SYNE1: variants seen among roughly 807,000 people sequenced by gnomAD.
SYNE1 encodes the protein spectrin repeat containing nuclear envelope protein 1, also known as nesprin-1.
A neutral mutation model predicts 1,111.0 loss-of-function variants in SYNE1; 616 were observed. That is an observed-to-expected ratio of 0.55 (90% confidence interval 0.52 to 0.59). The LOEUF (loss-of-function observed/expected upper bound fraction) is 0.59. SYNE1 is among the 20% of genes least tolerant of loss of function. SYNE1 has a pLI of 0.00. For synonymous variants in SYNE1, 3,855 were observed against 3,825.8 expected (o/e 1.01, Z -0.28); for missense variants, 10,006 against 10,417.0 (o/e 0.96, Z 1.72).
chr6:152,336,213 T>C (rs998334038), intron 76 of SYNE1: 1 of 160,410 alleles, frequency 6.2e-6, no homozygotes, highest in African/African-American at 2.4e-5. Context: ...CAGTCTACTC[T>C]GTAGACTAAA....
chr6:152,208,132 C>G lies in SYNE1; in HGVS notation c.22664G>C (p.Arg7555Pro). 2 of 1,614,100 alleles carry G rather than the reference C, an allele frequency of 1.2e-6. No individual in the cohort carries two copies. The highest frequency in any genetic ancestry group is 8.5e-7 in the Non-Finnish European group (1 of 1,180,016). ...GCGAATCTGGCTGTCAATGATCCCC[C>G]GCCTCTGCTGGGCCCTGCGAATCAC... ...QGVIRRAQQR[R>P]GIIDSQIRQW... is the part of the protein sequence containing the mutation. The change falls in exon 125 of 146, where the codon CGG (arginine) becomes CCG (proline). Residue 7555 changes from arginine to proline, a missense_variant. Arg to Pro is a moderately radical substitution (Grantham distance 103). This residue lies in a region of SYNE1 where 2,182 missense variants were observed against 2,287.8 expected (regional missense o/e 0.95). Coordinates refer to ENST00000367255, the MANE Select transcript of SYNE1 (RefSeq NM_182961.4).
At chr6:152,329,019 G>A (rs568228551) in intron 78 of SYNE1, among the ~76,000 whole-genome samples, 77 of 152,236 alleles carry the variant, frequency 5.1e-4, no homozygotes, top group African/African-American at 1.8e-3. Context: ...GGTGATTTTA[G>A]AAATACCAGC....
chr6:152,288,223 C>A (rs2094431816), intron 95 of SYNE1, among the ~76,000 whole-genome samples: 1 of 152,008 alleles, frequency 6.6e-6, no homozygotes, highest in Admixed American at 6.6e-5. Context: ...TGTGCCTTTC[C>A]ACACACATTT....
chr6:152,635,480 A>G (rs1299976937), intron 2 of SYNE1, among the ~76,000 whole-genome samples: 1 of 152,244 alleles, frequency 6.6e-6, no homozygotes, highest in Non-Finnish European at 1.5e-5. Flanking sequence ...CTTTTTAGCC[A>G]TACTACAAAT....
chr6:152,193,184 G>A (rs2073051434), intron 127 of SYNE1, among the ~76,000 whole-genome samples: 2 of 151,904 alleles, frequency 1.3e-5, no homozygotes, highest in South Asian at 4.2e-4. Context: ...TGATTTCACT[G>A]TTGGTATGTT....
At chr6:152,436,834 T>G (rs2098478087) in intron 32 of SYNE1, among the ~76,000 whole-genome samples, 1 of 152,162 alleles carries the variant, frequency 6.6e-6, no homozygotes, top group African/African-American at 2.4e-5. Context: ...ATAGAAACAT[T>G]TATTTATTTA....
intron 42 of SYNE1, among the ~76,000 whole-genome samples, chr6:152,411,769 C>T (rs141070972): frequency 1.9e-3 from 290 of 151,178 alleles, no homozygotes; most frequent in African/African-American, 6.7e-3. Flanking sequence ...ACACATCTAG[C>T]AGAATGTCAA....
intron 55 of SYNE1, among the ~76,000 whole-genome samples, chr6:152,382,266 G>A (rs34323944): frequency 0.037 from 5,579 of 151,728 alleles, 199 homozygotes; most frequent in Non-Finnish European, 0.049. Context: ...CTTTACTACC[G>A]GATTAAATAG....
chr6:152,499,236 G>GA (rs1212394168), intron 10 of SYNE1, among the ~76,000 whole-genome samples: 1 of 151,890 alleles, frequency 6.6e-6, no homozygotes, highest in Non-Finnish European at 1.5e-5. Context: ...ACAGATGGGT[G>GA]AAAAAATAAA....
At chr6:152,564,307 T>A (rs2099404314) in intron 3 of SYNE1, among the ~76,000 whole-genome samples, 2 of 152,112 alleles carry the variant, frequency 1.3e-5, no homozygotes, top group African/African-American at 2.4e-5. Flanking sequence ...ATGTTTGTTT[T>A]TTGTTTGTTG....
chr6:152,507,254 C>T (rs536305791), intron 8 of SYNE1, among the ~76,000 whole-genome samples: 138 of 152,166 alleles, frequency 9.1e-4, no homozygotes, highest in South Asian at 3.9e-3. Flanking sequence ...TAGTTTTTAA[C>T]AAAATTAAGT....
At chr6:152,168,054 A>G (rs746646176) in intron 130 of SYNE1, 2 of 780,794 alleles carry the variant, frequency 2.6e-6, no homozygotes, top group Admixed American at 3.4e-5. Context: ...CGTCTATCCT[A>G]CAAACCCCAC....
chr6:152,577,348 C>G (rs7755451), intron 3 of SYNE1, among the ~76,000 whole-genome samples: 36,248 of 152,112 alleles, frequency 0.24, 4,428 homozygotes, highest in Middle Eastern at 0.33. Flanking sequence ...TAAAAATATT[C>G]TTGCCTGGGC....
intron 122 of SYNE1, 71 bp downstream of exon 122, chr6:152,214,835 G>A: frequency 6.4e-7 from 1 of 1,567,336 alleles, no homozygotes; most frequent in South Asian, 1.1e-5. Flanking sequence ...GCATTCTGTA[G>A]TATTTTGACA....
In SYNE1 at chr6:152,430,466, G is replaced by T. The variant is rs1431680929; in HGVS notation, c.4689+16C>A. On this transcript the variant is annotated intron_variant, in intron 35 of 145. Transcript: ENST00000367255. ...GTGAAATATGTAAACTTAAGTATAG[G>T]TGGATCAATTCTTACCTTTCTAAGG... is the stretch of plus-strand genomic sequence containing the variant. 6.3e-7 allele frequency: 1 copy of T among 1,598,760 alleles called. No homozygotes were observed. The highest frequency in any genetic ancestry group is 8.6e-7 in the Non-Finnish European group (1 of 1,166,234).
rs75694045 is a variant in SYNE1, at chr6:152,367,141, C to T, written c.9972+77G>A. The T allele has an allele frequency of 1.2e-3, 1,810 of 1,553,850 alleles. 14 individuals carry two copies. The African/African-American group carries it at 0.022, about 19-fold the overall frequency. ...ATGGAGAGAATGTGACATCATCACC[C>T]CAGGTGGATGGAGACGGGAAATTTT... is the stretch of plus-strand genomic sequence containing the variant. On this transcript the variant is annotated intron_variant, in intron 62 of 145. Transcript: ENST00000367255.
At chr6:152,435,722 AT>A in intron 33 of SYNE1, 1 of 608,676 alleles carries the variant, frequency 1.6e-6, no homozygotes. Context: ...TCAGTTTAAG[AT>A]GCAAAACCCA....
At chr6:152,143,088 A>G (rs1230410212) in intron 138 of SYNE1, among the ~76,000 whole-genome samples, 5 of 152,216 alleles carry the variant, frequency 3.3e-5, no homozygotes. Flanking sequence ...AGCCGCATAG[A>G]TAGAACTGGT....
rs1378464559 is a variant in SYNE1 at position 152,354,691 on chromosome 6, C to T, written c.10894G>A (p.Ala3632Thr). The T allele has an allele frequency of 1.9e-6, 3 of 1,614,050 alleles. No homozygotes were observed. Among genetic ancestry groups the T allele is most frequent in the Non-Finnish European group, 2.5e-6 (3 of 1,180,034 alleles). The change falls in exon 67 of 146, where the codon GCA (alanine) becomes ACA (threonine). Residue 3632 changes from alanine to threonine, a missense_variant. Ala to Thr is a moderately conservative substitution (Grantham distance 58). Around this residue, in one of 7 missense-constraint regions of SYNE1, gnomAD observed 4,955 missense variants for 5,017.2 expected, o/e 0.99. Coordinates refer to ENST00000367255, the MANE Select transcript of SYNE1 (RefSeq NM_182961.4). ...TGATGTAATTGTATCTCCTTGGTTG[C>T]CCTGTTAGACTGACGTCTGGTCCTG... Reference protein sequence around the residue: ...SPRTRRQSNRATKEIQLHQMK... With the variant: ...SPRTRRQSNRTTKEIQLHQMK...
Sources: allele counts gnomAD v4.1 joint callset (sites outside exome capture counted in the v4.1 genomes callset), GRCh38; gene constraint gnomAD v4.1.1; regional missense constraint gnomAD v4.1.1; transcripts MANE v1.5; gene names NCBI Gene and HGNC (gene_info 2026-07-23, HGNC 2026-07-21).